The following KCNT2 variants were observed in gnomAD, a reference collection of about 807,000 sequenced individuals.
The protein encoded by KCNT2 is potassium channel subfamily T member 2.
Under a neutral mutation model 153.8 loss-of-function variants are expected in KCNT2, and 67 were observed. The observed-to-expected ratio is 0.44, with a 90% CI of 0.36 to 0.53. The LOEUF is 0.53. Ranked by LOEUF, KCNT2 falls within the 20% of genes least tolerant of loss-of-function variation. The pLI, the probability that KCNT2 is intolerant of heterozygous loss-of-function variation, is 0.00. For missense variants in KCNT2, 975 were observed against 1,354.8 expected, an observed-to-expected ratio of 0.72 and a Z score of 4.40; for synonymous variants, 500 against 458.8, an observed-to-expected ratio of 1.09 and a Z score of -1.15.
intron 1 of KCNT2, among the ~76,000 whole-genome samples, chr1:196,587,246 G>A (rs1662797069): frequency 6.6e-6 from 1 of 151,994 alleles, no homozygotes; most frequent in Non-Finnish European, 1.5e-5. Context: ...ACTGAGCTAA[G>A]GAATTTTCAT....
intron 26 of KCNT2, among the ~76,000 whole-genome samples, chr1:196,238,573 A>T (rs1037868103): frequency 6.6e-6 from 1 of 151,942 alleles, no homozygotes; most frequent in Non-Finnish European, 1.5e-5. Flanking sequence ...GAATTTGCTG[A>T]CTTCAAAGCT....
intron 8 of KCNT2, among the ~76,000 whole-genome samples, chr1:196,451,697 T>C (rs1209671967): frequency 9.2e-5 from 14 of 151,848 alleles, no homozygotes; most frequent in Non-Finnish European, 8.8e-5. Context: ...TAAGACACTC[T>C]CTTTTCTTCA....
intron 1 of KCNT2, among the ~76,000 whole-genome samples, chr1:196,544,957 G>T (rs910825311): frequency 6.6e-5 from 10 of 152,016 alleles, no homozygotes; most frequent in South Asian, 6.2e-4. Context: ...AAAAAGTTTG[G>T]ATTTAAAACT....
intron 14 of KCNT2, among the ~76,000 whole-genome samples, chr1:196,347,161 G>C (rs61710289): frequency 0.22 from 32,932 of 151,968 alleles, 5,017 homozygotes; most frequent in African/African-American, 0.43. Context: ...TTCCATTCTT[G>C]AGGCTACTAG....
Position 196,467,751 on chromosome 1 carries a change from T to A in KCNT2, c.495A>T (p.Pro165=). The change falls in exon 7 of 28, where the codon CCA becomes CCT. Residue 165 remains proline, a synonymous_variant. Transcript: ENST00000294725. ...FWPSLRNLFV[P]VFLNCWLAKH... is the part of the protein sequence containing the mutation. Reference sequence around the variant, plus strand: ...TGGCAAGCCAACAGTTCAGAAAGACTGGGACAAATAGATTCCTTAAGGAAG... The same window carrying A: ...TGGCAAGCCAACAGTTCAGAAAGACAGGGACAAATAGATTCCTTAAGGAAG... 6.2e-7 allele frequency: 1 copy of A among 1,606,758 alleles called. No individual in the cohort carries two copies. The highest frequency in any genetic ancestry group is 8.5e-7 in the Non-Finnish European group (1 of 1,175,156).
Position 196,258,310 on chromosome 1 carries a change from G to A in KCNT2, c.3095C>T (p.Thr1032Ile). The change falls in exon 26 of 28, where the codon ACA (threonine) becomes ATA (isoleucine). Residue 1032 changes from threonine to isoleucine, a missense_variant. Around this residue, in one of 6 missense-constraint regions of KCNT2, gnomAD observed 241 missense variants for 271.1 expected, o/e 0.89. Transcript: ENST00000294725. Reference protein sequence around the residue: ...SRKGPKHSGKTAEKITQQRLN... With the variant: ...SRKGPKHSGKIAEKITQQRLN... ...TCGCTGCTGGGTTATTTTTTCAGCT[G>A]TTTTACCAGAGTGTTTTGGGCCTTT... The A allele has an allele frequency of 1.2e-6, 2 of 1,613,972 alleles. No homozygotes were observed. Among genetic ancestry groups the A allele is most frequent in the Non-Finnish European group, 1.7e-6 (2 of 1,179,958 alleles).
At chr1:196,320,347 G>A (rs1572026807) in intron 19 of KCNT2, among the ~76,000 whole-genome samples, 1 of 151,596 alleles carries the variant, frequency 6.6e-6, no homozygotes, top group African/African-American at 2.4e-5. Context: ...ACACATTCAG[G>A]TATATGCAAA....
intron 1 of KCNT2, among the ~76,000 whole-genome samples, chr1:196,525,603 G>T (rs1434844541): frequency 6.6e-6 from 1 of 152,112 alleles, no homozygotes. Context: ...AACATTTATT[G>T]TGCATAATGA....
chr1:196,525,140 G>C (rs1403358230), intron 1 of KCNT2, among the ~76,000 whole-genome samples: 1 of 151,994 alleles, frequency 6.6e-6, no homozygotes, highest in Non-Finnish European at 1.5e-5. Context: ...AGTGGTTTTT[G>C]ATTGTCGAAG....
At chr1:196,608,154 CTCCCATT>C in intron 1 of KCNT2, 54 bp downstream of exon 1, 1 of 1,479,150 alleles carries the variant, frequency 6.8e-7, no homozygotes, top group African/African-American at 1.4e-5. Flanking sequence ...CACTTCGGCC[CTCCCATT>C]TCCGTCTCTT....
At chr1:196,280,787 A>C (rs1209801548) in intron 25 of KCNT2, 73 bp downstream of exon 25, 1 of 1,305,160 alleles carries the variant, frequency 7.7e-7, no homozygotes, top group African/African-American at 1.5e-5. Flanking sequence ...TTTATAAATC[A>C]GTTTATAAGC....
At chr1:196,572,778 G>A (rs889854988) in intron 1 of KCNT2, among the ~76,000 whole-genome samples, 3 of 152,038 alleles carry the variant, frequency 2.0e-5, no homozygotes, top group Admixed American at 6.6e-5. Flanking sequence ...ATGAATTAAC[G>A]CATAGGAACC....
chr1:196,466,469 G>C (rs1677625565), intron 7 of KCNT2, among the ~76,000 whole-genome samples: 1 of 151,704 alleles, frequency 6.6e-6, no homozygotes, highest in Admixed American at 6.6e-5. Flanking sequence ...TATTCCTTTA[G>C]GCCAAAACTT....
At chr1:196,281,083 G>A (rs779912521) in intron 24 of KCNT2, 95 bp from the exon 25 acceptor site, 2 of 957,380 alleles carry the variant, frequency 2.1e-6, no homozygotes, top group Non-Finnish European at 3.2e-6. Flanking sequence ...TTTTGTGGGG[G>A]GCAGGGTCTC....
chr1:196,254,390 G>C (rs1656274513), intron 26 of KCNT2, among the ~76,000 whole-genome samples: 1 of 151,458 alleles, frequency 6.6e-6, no homozygotes, highest in Non-Finnish European at 1.5e-5. Context: ...TAAAAATCCA[G>C]TGCCAATTCC....
chr1:196,326,524 A>G (rs908514654), intron 19 of KCNT2, among the ~76,000 whole-genome samples, 193 bp downstream of exon 19: 1 of 152,138 alleles, frequency 6.6e-6, no homozygotes, highest in African/African-American at 2.4e-5. Flanking sequence ...AGTTTTAAGT[A>G]GTATTTATGA....
intron 13 of KCNT2, among the ~76,000 whole-genome samples, chr1:196,377,304 G>C (rs1669053033): frequency 6.6e-6 from 1 of 151,888 alleles, no homozygotes; most frequent in African/African-American, 2.4e-5. Context: ...CTGGGAGAGA[G>C]AGTACATTTT....
chr1:196,324,173 A>G (rs1193516579), intron 19 of KCNT2, among the ~76,000 whole-genome samples: 1 of 151,988 alleles, frequency 6.6e-6, no homozygotes, highest in Admixed American at 6.6e-5. Flanking sequence ...TACAAGAATT[A>G]TTTAATAACA....
intron 1 of KCNT2, among the ~76,000 whole-genome samples, chr1:196,545,333 C>G (rs779761947): frequency 1.3e-5 from 2 of 152,032 alleles, no homozygotes; most frequent in African/African-American, 2.4e-5. Flanking sequence ...GTTTGCTTAG[C>G]TCCTTTCTTC....
Sources: allele counts gnomAD v4.1 joint callset (sites outside exome capture counted in the v4.1 genomes callset), GRCh38; gene constraint gnomAD v4.1.1; regional missense constraint gnomAD v4.1.1; transcripts MANE v1.5; gene names NCBI Gene and HGNC (gene_info 2026-07-23, HGNC 2026-07-21).